Variants in KDM4B observed in about 807,000 individuals in gnomAD.
The protein encoded by KDM4B is lysine-specific demethylase 4B.
In KDM4B, 32 loss-of-function variants were observed where a neutral mutation model predicts 125.2. That is an observed-to-expected ratio of 0.26 (90% CI 0.19 to 0.34). The LOEUF is 0.34. Among genes scored for constraint, KDM4B ranks in the 10% least tolerant of loss-of-function variants. The probability of loss-of-function intolerance (pLI) is 1.00; values close to 1 mark genes in which losing one functional copy is unlikely to be tolerated. For missense variants in KDM4B, 1,190 were observed against 1,577.7 expected, an observed-to-expected ratio of 0.75 and a Z score of 4.16; for synonymous variants, 721 against 677.9, an observed-to-expected ratio of 1.06 and a Z score of -0.99.
chr19:5,057,639 A>C (rs2037452704), intron 6 of KDM4B, among the ~76,000 whole-genome samples: 1 of 152,120 alleles, frequency 6.6e-6, no homozygotes, highest in South Asian at 2.1e-4. Context: ...CCCTGGCTCC[A>C]CGTCCTTGTT....
At chr19:5,092,514 G>C (rs2038730526) in intron 9 of KDM4B, among the ~76,000 whole-genome samples, 1 of 152,228 alleles carries the variant, frequency 6.6e-6, no homozygotes, top group African/African-American at 2.4e-5. Flanking sequence ...TCTCCCCAGA[G>C]GAGGGTCGGG....
chr19:5,005,223 G>A (rs913152801), intron 1 of KDM4B, among the ~76,000 whole-genome samples: 4 of 152,168 alleles, frequency 2.6e-5, no homozygotes, highest in Non-Finnish European at 5.9e-5. Flanking sequence ...TGGAGATGTT[G>A]GTGGCCAGGT....
chr19:5,123,084 C>T (rs1188100493), intron 11 of KDM4B, among the ~76,000 whole-genome samples: 1 of 152,234 alleles, frequency 6.6e-6, no homozygotes, highest in African/African-American at 2.4e-5. Context: ...CAACCTCCAT[C>T]GATGGAGAGG....
At chr19:4,988,121 G>A (rs551905308) in intron 1 of KDM4B, among the ~76,000 whole-genome samples, 85 of 152,260 alleles carry the variant, frequency 5.6e-4, no homozygotes, top group African/African-American at 1.9e-3. Context: ...GGGGCCCTCC[G>A]TTCAGTTCAC....
At chr19:5,095,899 G>T (rs181931901) in intron 9 of KDM4B, among the ~76,000 whole-genome samples, 8 of 152,318 alleles carry the variant, frequency 5.3e-5, no homozygotes, top group Admixed American at 2.0e-4. Context: ...CCTGGCAGGG[G>T]CCCCCAGTCT....
intron 6 of KDM4B, among the ~76,000 whole-genome samples, chr19:5,069,854 G>A (rs989390905): frequency 4.6e-5 from 7 of 152,112 alleles, no homozygotes; most frequent in Non-Finnish European, 8.8e-5. Context: ...TGATCTGCCC[G>A]CCTCAGCCTC....
intron 3 of KDM4B, among the ~76,000 whole-genome samples, chr19:5,034,387 C>T (rs894106910): frequency 5.9e-5 from 9 of 152,244 alleles, no homozygotes; most frequent in South Asian, 2.1e-4. Context: ...CGCCTAGGCT[C>T]TGTGAGCCAG....
chr19:5,146,816 G>A lies in KDM4B; in HGVS notation c.3021+1914G>A, dbSNP rs370672383. On this transcript the variant is annotated intron_variant, in intron 21 of 22. Transcript: ENST00000159111. The stretch of plus-strand genomic sequence containing the variant: ...ATTAGCTGGGCATGGTAGTGTGCGC[G>A]TGTAGTCTCAGCTACTCGGGATGCT... Among the ~76,000 whole-genome samples, 34 of 146,484 alleles carry A rather than the reference G, an allele frequency of 2.3e-4. No individual in the cohort carries two copies. The South Asian group carries it at 3.3e-3, about 14-fold the overall frequency.
At chr19:5,151,041 C>T (rs1248874581) in intron 22 of KDM4B, among the ~76,000 whole-genome samples, 1 of 152,196 alleles carries the variant, frequency 6.6e-6, no homozygotes, top group African/African-American at 2.4e-5. Flanking sequence ...CTGGCCACAG[C>T]TGCTCAGCCG....
intron 16 of KDM4B, 94 bp from the exon 17 acceptor site, chr19:5,137,527 C>A: frequency 7.4e-7 from 1 of 1,344,384 alleles, no homozygotes; most frequent in South Asian, 1.2e-5. Flanking sequence ...ATATAAGGGC[C>A]GTGGGCTGGG....
At chr19:4,976,657 GT>G (rs1321425400) in intron 1 of KDM4B, among the ~76,000 whole-genome samples, 1 of 152,250 alleles carries the variant, frequency 6.6e-6, no homozygotes, top group Non-Finnish European at 1.5e-5. Flanking sequence ...GTCGCAGATG[GT>G]GGTTTCTGCT....
intron 1 of KDM4B, among the ~76,000 whole-genome samples, chr19:4,994,674 T>G (rs1479074080): frequency 4.6e-5 from 7 of 152,128 alleles, no homozygotes; most frequent in Admixed American, 4.6e-4. Flanking sequence ...TGTCTTTTGA[T>G]TGGATGTTTA....
chr19:5,030,614 A>G (rs540720410), intron 2 of KDM4B, among the ~76,000 whole-genome samples: 3 of 152,336 alleles, frequency 2.0e-5, no homozygotes, highest in Non-Finnish European at 4.4e-5. Context: ...TGGGTGCACG[A>G]GGGTCCCAGC....
chr19:5,091,268 G>GA (rs2038697292), intron 9 of KDM4B, among the ~76,000 whole-genome samples: 1 of 152,212 alleles, frequency 6.6e-6, no homozygotes, highest in Non-Finnish European at 1.5e-5. Flanking sequence ...GTTGACTGAG[G>GA]ATTAAACAGA....
chr19:5,111,392 C>T (rs781282275), intron 10 of KDM4B: 24 of 765,134 alleles, frequency 3.1e-5, no homozygotes, highest in African/African-American at 1.2e-4. Flanking sequence ...CCCTGCGTAT[C>T]GCCGCACAGA....
chr19:5,133,692 G>A (rs1256470533), intron 13 of KDM4B, among the ~76,000 whole-genome samples, 191 bp from the exon 14 acceptor site: 1 of 152,242 alleles, frequency 6.6e-6, no homozygotes, highest in East Asian at 1.9e-4. Flanking sequence ...GGACGCTGCA[G>A]TGTCAGCTTG....
chr19:5,074,659 G>T (rs1396923000), intron 7 of KDM4B: 1 of 152,224 alleles, frequency 6.6e-6, no homozygotes, highest in Non-Finnish European at 1.5e-5. Flanking sequence ...AAAAGTTGCT[G>T]GATTCGGCAA....
At chr19:4,995,728 G>T (rs2035178420) in intron 1 of KDM4B, among the ~76,000 whole-genome samples, 1 of 152,188 alleles carries the variant, frequency 6.6e-6, no homozygotes, top group Non-Finnish European at 1.5e-5. Flanking sequence ...GGGACCTTGG[G>T]TCCCAGCACA....
intron 1 of KDM4B, among the ~76,000 whole-genome samples, chr19:4,985,288 C>T (rs977905985): frequency 6.6e-6 from 1 of 152,124 alleles, no homozygotes; most frequent in African/African-American, 2.4e-5. Context: ...CGCGCCATTG[C>T]GCTCCAGCCT....
Sources: gnomAD v4.1 joint callset for allele counts (sites outside exome capture counted in the v4.1 genomes callset) on GRCh38, gnomAD v4.1.1 for gene constraint, MANE v1.5 for transcripts, NCBI Gene and HGNC (gene_info 2026-07-23, HGNC 2026-07-21) for gene names.